PLEKHA7: variants seen among roughly 807,000 people sequenced by gnomAD.
The protein encoded by PLEKHA7 is pleckstrin homology domain-containing family A member 7.
A neutral mutation model predicts 170.0 loss-of-function variants in PLEKHA7; 104 were observed. That is an observed-to-expected ratio of 0.61 (90% CI 0.52 to 0.72). The LOEUF (loss-of-function observed/expected upper bound fraction) is 0.72, where lower values mean the gene tolerates loss of function less well. Ranked by LOEUF, PLEKHA7 falls within the 30% of genes least tolerant of loss-of-function variation. The pLI, the probability that PLEKHA7 is intolerant of heterozygous loss-of-function variation, is 0.00. For missense variants in PLEKHA7, 1,615 were observed against 1,671.7 expected (o/e 0.97, Z 0.59); for synonymous variants, 648 against 660.8 (o/e 0.98, Z 0.30).
At chr11:16,999,635 C>T (rs1030851176) in intron 3 of PLEKHA7, among the ~76,000 whole-genome samples, 1 of 152,172 alleles carries the variant, frequency 6.6e-6, no homozygotes, top group Non-Finnish European at 1.5e-5. Flanking sequence ...CACAGCTTAA[C>T]CCAATGACTT....
chr11:16,835,610 C>T (rs1851452247), intron 9 of PLEKHA7, among the ~76,000 whole-genome samples: 1 of 152,156 alleles, frequency 6.6e-6, no homozygotes, highest in South Asian at 2.1e-4. Flanking sequence ...AGGCACTGGA[C>T]TAAGTAAGCA....
chr11:16,814,495 CCTT>C (rs1849601087), intron 12 of PLEKHA7, among the ~76,000 whole-genome samples: 1 of 152,294 alleles, frequency 6.6e-6, no homozygotes, highest in Non-Finnish European at 1.5e-5. Flanking sequence ...TTTCTTTAAT[CCTT>C]CTGCTCAAGA....
chr11:16,859,054 A>G (rs2135509148), intron 4 of PLEKHA7, among the ~76,000 whole-genome samples: 1 of 152,354 alleles, frequency 6.6e-6, no homozygotes, highest in African/African-American at 2.4e-5. Context: ...CCTATTAGGA[A>G]ATGTGACTAA....
At chr11:16,889,420 A>AAAAAT (rs61086849) in intron 3 of PLEKHA7, among the ~76,000 whole-genome samples, 17 of 74,672 alleles carry the variant, frequency 2.3e-4, no homozygotes, top group Admixed American at 7.5e-4. Context: ...AAAAAAAAAA[A>AAAAAT]ATATATATAT....
intron 8 of PLEKHA7, among the ~76,000 whole-genome samples, chr11:16,844,011 C>T (rs146498636): frequency 1.3e-5 from 2 of 152,234 alleles, no homozygotes; most frequent in African/African-American, 4.8e-5. Context: ...AGCAGAAATT[C>T]TTGGAAAATA....
chr11:16,826,202 T>A lies in PLEKHA7; in HGVS notation c.1261A>T (p.Asn421Tyr). 1 of 1,614,246 alleles carries A rather than the reference T, an allele frequency of 6.2e-7. No homozygotes were observed. Among genetic ancestry groups the A allele is most frequent in the South Asian group, 1.1e-5 (1 of 91,076 alleles). Residue 421 changes from asparagine (N) to tyrosine (Y), a missense_variant, in exon 10 of 27, where the codon AAC (asparagine) becomes TAC (tyrosine). Asn to Tyr is a moderately radical substitution (Grantham distance 143, BLOSUM62 -2). Coordinates refer to ENST00000531066, the MANE Select transcript of PLEKHA7 (RefSeq NM_001329630.2). ...GYQRAFPPRT[N>Y]PEKHSQRKSN... ...TTCCTTTGGCTGTGTTTTTCAGGGT[T>A]GGTCCTGGGAGGAAAGGCCCGCTGG...
At chr11:16,874,753 A>G (rs1855146891) in intron 3 of PLEKHA7, among the ~76,000 whole-genome samples, 1 of 152,174 alleles carries the variant, frequency 6.6e-6, no homozygotes, top group Non-Finnish European at 1.5e-5. Context: ...TCTGAGTGAC[A>G]GCACTTGTGT....
intron 3 of PLEKHA7, among the ~76,000 whole-genome samples, chr11:16,966,927 T>C (rs1862409433): frequency 6.6e-6 from 1 of 152,172 alleles, no homozygotes; most frequent in African/African-American, 2.4e-5. Flanking sequence ...TGCCCCAGCC[T>C]TGTGGCTTCA....
chr11:16,789,380 C>T lies in PLEKHA7; in HGVS notation c.3157-84G>A. 9 of 1,309,450 alleles carry T rather than the reference C, an allele frequency of 6.9e-6. No individual in the cohort carries two copies. Among genetic ancestry groups the T allele is most frequent in the Non-Finnish European group, 8.7e-6 (8 of 920,662 alleles). 81.1% of individuals were successfully genotyped at this position (1,309,450 alleles called of 1,614,324 possible). The stretch of plus-strand genomic sequence containing the variant: ...ACAGCCACCCTGCTGGCTGCATTCC[C>T]GTTGTCTCTCTCTCACACACATGCA... On this transcript the variant is annotated intron_variant, in intron 22 of 26. Transcript: ENST00000531066. The surrounding 1 kb of genome is among the most constrained non-coding windows in gnomAD (Gnocchi z 4.6).
intron 10 of PLEKHA7, among the ~76,000 whole-genome samples, chr11:16,818,737 C>A (rs1203525789): frequency 6.6e-6 from 1 of 152,094 alleles, no homozygotes; most frequent in Non-Finnish European, 1.5e-5. Flanking sequence ...CTCCAGCACA[C>A]AAAACTGGAT....
intron 3 of PLEKHA7, among the ~76,000 whole-genome samples, chr11:16,958,595 A>G (rs892365125): frequency 6.6e-6 from 1 of 152,180 alleles, no homozygotes; most frequent in African/African-American, 2.4e-5. Context: ...TGTATTTCCC[A>G]AATTTTCTAC....
At chr11:16,977,894 T>C (rs1863171544) in intron 3 of PLEKHA7, among the ~76,000 whole-genome samples, 1 of 152,190 alleles carries the variant, frequency 6.6e-6, no homozygotes, top group Non-Finnish European at 1.5e-5. Flanking sequence ...TCCCTCATCC[T>C]CGGTCTGCTG....
In PLEKHA7 at chr11:17,014,266, C is replaced by T. The variant is rs1555003213; in HGVS notation, c.86+50G>A. 17 of 1,394,462 alleles carry T rather than the reference C, an allele frequency of 1.2e-5. No homozygotes were observed. The South Asian group carries it at 2.8e-4, about 23-fold the overall frequency. 86.4% of individuals were successfully genotyped at this position (1,394,462 alleles called of 1,614,324 possible). A position where few individuals can be genotyped will look rare whatever the true frequency, so the allele number is the denominator to read the frequency against. ...CCGCCGGGTGCCCGCCCGGCCCCCGCCCCCGCGCCCCCACCCGCGTCCCCG... is the reference window on the plus strand; with the variant it reads ...CCGCCGGGTGCCCGCCCGGCCCCCGTCCCCGCGCCCCCACCCGCGTCCCCG... On this transcript the variant is annotated intron_variant, in intron 1 of 26. Coordinates refer to ENST00000531066, the MANE Select transcript of PLEKHA7 (RefSeq NM_001329630.2).
At chr11:16,957,751 T>C (rs947689547) in intron 3 of PLEKHA7, among the ~76,000 whole-genome samples, 1 of 141,284 alleles carries the variant, frequency 7.1e-6, no homozygotes, top group Non-Finnish European at 1.5e-5. Flanking sequence ...TTGCCCAGGC[T>C]GGAGTGCAAT....
At chr11:16,829,750 G>A (rs1850954933) in intron 9 of PLEKHA7, among the ~76,000 whole-genome samples, 1 of 152,108 alleles carries the variant, frequency 6.6e-6, no homozygotes, top group Admixed American at 6.5e-5. Flanking sequence ...GCTCCAGCCT[G>A]GGCAACAGAG....
chr11:16,807,539 T>C (rs950034434), intron 13 of PLEKHA7, among the ~76,000 whole-genome samples: 10 of 152,252 alleles, frequency 6.6e-5, no homozygotes, highest in Admixed American at 6.5e-4. Context: ...CCTTCCTGGT[T>C]CTGCGGCAGA....
At chr11:16,837,842 T>G (rs1851635800) in intron 9 of PLEKHA7, among the ~76,000 whole-genome samples, 1 of 152,134 alleles carries the variant, frequency 6.6e-6, no homozygotes, top group South Asian at 2.1e-4. Flanking sequence ...TAAGAGAGCC[T>G]GAAAGTCCAC....
intron 3 of PLEKHA7, among the ~76,000 whole-genome samples, chr11:16,959,226 T>TCCCACCCCAAG: frequency 2.5e-5 from 1 of 39,688 alleles, no homozygotes; most frequent in African/African-American, 4.3e-5. Context: ...TCTGCTCCCC[T>TCCCACCCCAAG]CTCTCCCCCT....
At chr11:16,908,870 A>G (rs1858051738) in intron 3 of PLEKHA7, among the ~76,000 whole-genome samples, 1 of 152,208 alleles carries the variant, frequency 6.6e-6, no homozygotes. Flanking sequence ...AGACTAACAC[A>G]GGGACATCAA....
Sources: allele counts gnomAD v4.1 joint callset (sites outside exome capture counted in the v4.1 genomes callset), GRCh38; gene constraint gnomAD v4.1.1; non-coding constraint Gnocchi (gnomAD v3.1); transcripts MANE v1.5; gene names NCBI Gene and HGNC (gene_info 2026-07-23, HGNC 2026-07-21).